Variants in LPP observed in about 807,000 individuals in gnomAD.
LPP encodes the protein LIM domain containing preferred translocation partner in lipoma.
Under a neutral mutation model 60.4 loss-of-function variants are expected in LPP, and 38 were observed. The ratio of observed to expected loss-of-function variants is 0.63; its 90% CI spans 0.49 to 0.83. The LOEUF is 0.83. Among genes scored for constraint, LPP ranks in the 40% least tolerant of loss-of-function variants. The pLI, the probability that LPP is intolerant of heterozygous loss-of-function variation, is 0.00. For missense variants in LPP, 902 were observed against 783.6 expected, an observed-to-expected ratio of 1.15 and a Z score of -1.80; for synonymous variants, 328 against 290.8, an observed-to-expected ratio of 1.13 and a Z score of -1.30.
chr3:188,519,987 G>A (rs1365277628), intron 5 of LPP, among the ~76,000 whole-genome samples: 2 of 152,102 alleles, frequency 1.3e-5, no homozygotes, highest in Non-Finnish European at 2.9e-5. Flanking sequence ...CTTGATAATG[G>A]CCTAAGTTCA....
chr3:188,280,931 GA>G (rs1486447928), intron 2 of LPP, among the ~76,000 whole-genome samples: 3 of 113,466 alleles, frequency 2.6e-5, no homozygotes, highest in Admixed American at 9.5e-5. Flanking sequence ...GACGACAAAG[GA>G]ATTTTTTTTT....
chr3:188,691,538 A>G (rs1862128798), intron 7 of LPP, among the ~76,000 whole-genome samples: 1 of 152,214 alleles, frequency 6.6e-6, no homozygotes, highest in African/African-American at 2.4e-5. Context: ...CTTTATTCAT[A>G]TTGCCATTCA....
intron 4 of LPP, among the ~76,000 whole-genome samples, chr3:188,424,657 G>C (rs915459177): frequency 2.8e-4 from 43 of 151,946 alleles, no homozygotes; most frequent in Non-Finnish European, 4.0e-4. Context: ...CTCCATGAAA[G>C]GGTCATTCAC....
intron 6 of LPP, among the ~76,000 whole-genome samples, chr3:188,552,906 G>A (rs899555662): frequency 3.9e-5 from 6 of 152,088 alleles, no homozygotes; most frequent in Non-Finnish European, 7.4e-5. Context: ...GGGTGGGGAG[G>A]GCTGTTCTTA....
intron 6 of LPP, among the ~76,000 whole-genome samples, chr3:188,563,587 G>A (rs1472211767): frequency 1.3e-5 from 2 of 151,620 alleles, no homozygotes; most frequent in Non-Finnish European, 2.9e-5. Context: ...GCTCCATAGT[G>A]TAAGGGTTCA....
At chr3:188,736,283 T>C (rs1455711997) in intron 8 of LPP, among the ~76,000 whole-genome samples, 1 of 151,670 alleles carries the variant, frequency 6.6e-6, no homozygotes, top group Non-Finnish European at 1.5e-5. Context: ...TAAGAAAAAA[T>C]ATGTAAGAAT....
At chr3:188,679,451 T>C (rs1858904857) in intron 7 of LPP, among the ~76,000 whole-genome samples, 1 of 151,982 alleles carries the variant, frequency 6.6e-6, no homozygotes, top group Non-Finnish European at 1.5e-5. Flanking sequence ...GTGGACAACA[T>C]AGCCAAGCAA....
chr3:188,546,067 A>G (rs775588282), intron 6 of LPP, among the ~76,000 whole-genome samples: 5 of 152,106 alleles, frequency 3.3e-5, no homozygotes, highest in Admixed American at 6.6e-5. Flanking sequence ...CCAGACATGT[A>G]TATTCTGTAT....
At chr3:188,170,401 G>A (rs1194553780) in intron 1 of LPP, among the ~76,000 whole-genome samples, 1 of 148,958 alleles carries the variant, frequency 6.7e-6, no homozygotes, top group Non-Finnish European at 1.5e-5. Flanking sequence ...TATGATTTCG[G>A]CTGACTGCAA....
At chr3:188,321,035 C>G (rs1210959924) in intron 2 of LPP, among the ~76,000 whole-genome samples, 2 of 152,240 alleles carry the variant, frequency 1.3e-5, no homozygotes, top group Non-Finnish European at 2.9e-5. Flanking sequence ...ATTTCTCCCT[C>G]TGGCGTTTGC....
chr3:188,721,282 A>C (rs1413373191), intron 8 of LPP, among the ~76,000 whole-genome samples: 1 of 152,114 alleles, frequency 6.6e-6, no homozygotes, highest in Non-Finnish European at 1.5e-5. Context: ...CTGGAATTAC[A>C]GATCACATCT....
In LPP at chr3:188,352,390, G is replaced by A. The variant is rs1766122050; in HGVS notation, c.-10+10671G>A. Among the ~76,000 whole-genome samples, 1 of 152,166 alleles carries A rather than the reference G, an allele frequency of 6.6e-6. No homozygotes were observed. The highest frequency in any genetic ancestry group is 6.5e-5 in the Admixed American group (1 of 15,276). On this transcript the variant is annotated intron_variant, in intron 3 of 11. Transcript: ENST00000617246. This position sits in a 1 kb window ranked among gnomAD's most constrained non-coding sequence, Gnocchi z 4.4. ...CACTCCTTGGGCTCTGTTTAGATCA[G>A]CTATTTTCTGAAGGAGTCGCTGACC...
At chr3:188,533,147 T>C (rs1250363627) in intron 6 of LPP, among the ~76,000 whole-genome samples, 1 of 152,180 alleles carries the variant, frequency 6.6e-6, no homozygotes, top group East Asian at 1.9e-4. Flanking sequence ...TCTGAGGGCT[T>C]GGGTGCAGTG....
chr3:188,606,551 A>G (rs1292678320), intron 6 of LPP, among the ~76,000 whole-genome samples: 1 of 151,964 alleles, frequency 6.6e-6, no homozygotes, highest in Non-Finnish European at 1.5e-5. Flanking sequence ...AGCAGCCTGG[A>G]TATTCTTGTC....
chr3:188,417,937 G>C (rs999716199), intron 4 of LPP, among the ~76,000 whole-genome samples: 2 of 152,174 alleles, frequency 1.3e-5, no homozygotes, highest in East Asian at 1.9e-4. Flanking sequence ...TCTCTTACTT[G>C]TTCACACGTT....
intron 3 of LPP, among the ~76,000 whole-genome samples, chr3:188,378,334 T>G (rs1775827181): frequency 6.6e-6 from 1 of 152,214 alleles, no homozygotes. Context: ...GCAGGCCTCC[T>G]TGAGCTGTGG....
At chr3:188,657,852 G>A (rs1192230122) in intron 7 of LPP, among the ~76,000 whole-genome samples, 1 of 152,080 alleles carries the variant, frequency 6.6e-6, no homozygotes. Context: ...TTGTAAATAT[G>A]CATGCTCATA....
At chr3:188,239,209 A>C (rs1350528620) in intron 2 of LPP, among the ~76,000 whole-genome samples, 1 of 152,182 alleles carries the variant, frequency 6.6e-6, no homozygotes, top group African/African-American at 2.4e-5. Context: ...ACCTGCAGGG[A>C]TGCCTGGGCC....
intron 4 of LPP, among the ~76,000 whole-genome samples, chr3:188,477,159 C>T (rs1261402982): frequency 1.3e-5 from 2 of 152,206 alleles, no homozygotes; most frequent in Admixed American, 1.3e-4. Flanking sequence ...AGTCAACATA[C>T]TCAGTGAGCT....
Sources: allele counts gnomAD v4.1 joint callset (sites outside exome capture counted in the v4.1 genomes callset), GRCh38; gene constraint gnomAD v4.1.1; non-coding constraint Gnocchi (gnomAD v3.1); transcripts MANE v1.5; gene names NCBI Gene and HGNC (gene_info 2026-07-23, HGNC 2026-07-21).